The following ITGB6 variants were observed in gnomAD, a reference collection of about 807,000 sequenced individuals.
The protein encoded by ITGB6 is integrin beta-6.
Under a neutral mutation model 84.5 loss-of-function variants are expected in ITGB6, and 80 were observed. The ratio of observed to expected loss-of-function variants is 0.95; its 90% CI spans 0.79 to 1.14. The LOEUF is 1.14. Ranked by LOEUF, ITGB6 falls within the 50% of genes most tolerant of loss-of-function variation. The probability of loss-of-function intolerance (pLI) is 0.00; values close to 1 mark genes in which losing one functional copy is unlikely to be tolerated. For missense variants in ITGB6, 1,006 were observed against 968.0 expected (o/e 1.04, Z -0.52); for synonymous variants, 383 against 354.9 (o/e 1.08, Z -0.89).
intron 10 of ITGB6, among the ~76,000 whole-genome samples, chr2:160,134,227 C>T (rs1683606630): frequency 6.6e-6 from 1 of 152,156 alleles, no homozygotes; most frequent in South Asian, 2.1e-4. Context: ...CGGGATATCA[C>T]CACTGATCCC....
At chr2:160,114,617 A>G (rs1200313458) in intron 12 of ITGB6, among the ~76,000 whole-genome samples, 2 of 152,124 alleles carry the variant, frequency 1.3e-5, no homozygotes, top group African/African-American at 4.8e-5. Context: ...CATCTGAGGT[A>G]CCGGGTTCAT....
intron 12 of ITGB6, among the ~76,000 whole-genome samples, chr2:160,113,061 G>T (rs1386536926): frequency 6.6e-6 from 1 of 152,210 alleles, no homozygotes; most frequent in Non-Finnish European, 1.5e-5. Flanking sequence ...ACTTTTCAAT[G>T]ATGGTTACAA....
intron 12 of ITGB6, among the ~76,000 whole-genome samples, chr2:160,118,121 T>C (rs1682866790): frequency 6.6e-6 from 1 of 152,152 alleles, no homozygotes; most frequent in East Asian, 1.9e-4. Flanking sequence ...CTGAAACTAT[T>C]CCAATCAATA....
At chr2:160,166,440 C>T (rs887238618) in intron 7 of ITGB6, among the ~76,000 whole-genome samples, 2 of 152,050 alleles carry the variant, frequency 1.3e-5, no homozygotes, top group African/African-American at 2.4e-5. Context: ...TAATATGATT[C>T]GACAATGTCA....
At chr2:160,195,820 G>A (rs1221075559) in intron 3 of ITGB6, among the ~76,000 whole-genome samples, 1 of 152,236 alleles carries the variant, frequency 6.6e-6, no homozygotes, top group African/African-American at 2.4e-5. Flanking sequence ...TGGAGGATAA[G>A]TTAGGATATT....
chr2:160,164,232 T>C (rs1684921119), intron 7 of ITGB6, among the ~76,000 whole-genome samples: 1 of 152,228 alleles, frequency 6.6e-6, no homozygotes, highest in Admixed American at 6.5e-5. Flanking sequence ...TTCTTCTCTA[T>C]AGTCACAAAC....
Position 160,200,203 on chromosome 2 carries a change from C to T in ITGB6, c.-140G>A. The T allele has an allele frequency of 1.6e-6, 1 of 635,648 alleles. No homozygotes were observed. Among genetic ancestry groups the T allele is most frequent in the African/African-American group, 1.9e-5 (1 of 52,922 alleles). The allele number at this position is 635,648 out of a possible 1,614,324, so 39.4% of individuals were successfully genotyped here. On this transcript the variant is annotated 5_prime_UTR_variant, in exon 1 of 15. Coordinates refer to ENST00000283249, the MANE Select transcript of ITGB6 (RefSeq NM_000888.5). ...CTACTTACACTGCTTTGAAAAGAAA[C>T]TTGAGATATAAGTTAGAAAGTTTTC... is the stretch of plus-strand genomic sequence containing the variant.
intron 4 of ITGB6, among the ~76,000 whole-genome samples, chr2:160,186,336 A>C (rs1461271833): frequency 6.6e-6 from 1 of 152,166 alleles, no homozygotes; most frequent in East Asian, 1.9e-4. Context: ...AAAAGAAGAC[A>C]TTTATACGGC....
chr2:160,183,067 T>G (rs1160793783), intron 4 of ITGB6, among the ~76,000 whole-genome samples: 1 of 152,096 alleles, frequency 6.6e-6, no homozygotes, highest in Non-Finnish European at 1.5e-5. Flanking sequence ...GTCGACACTA[T>G]GAAGAAAATG....
At chr2:160,162,978 C>T (rs768561486) in intron 7 of ITGB6, among the ~76,000 whole-genome samples, 1 of 152,094 alleles carries the variant, frequency 6.6e-6, no homozygotes, top group Admixed American at 6.6e-5. Flanking sequence ...CATCATAAAC[C>T]TATAGTCTTG....
intron 12 of ITGB6, among the ~76,000 whole-genome samples, chr2:160,118,439 A>C (rs1400575345): frequency 2.0e-5 from 3 of 152,224 alleles, no homozygotes; most frequent in Non-Finnish European, 2.9e-5. Flanking sequence ...ATAGATGCAG[A>C]AAAGGCCTTT....
At chr2:160,131,923 G>T (rs995954035) in intron 10 of ITGB6, among the ~76,000 whole-genome samples, 8 of 152,060 alleles carry the variant, frequency 5.3e-5, no homozygotes, top group Non-Finnish European at 8.8e-5. Context: ...ATCAAGCAAA[G>T]CTCTGTTGCT....
chr2:160,127,508 T>C (rs1435437390), intron 10 of ITGB6, among the ~76,000 whole-genome samples: 8 of 152,198 alleles, frequency 5.3e-5, no homozygotes, highest in African/African-American at 1.7e-4. Context: ...CCAATGTGCA[T>C]CTTACATGTA....
chr2:160,178,471 A>G (rs543706591), intron 4 of ITGB6, among the ~76,000 whole-genome samples: 10 of 152,332 alleles, frequency 6.6e-5, no homozygotes, highest in Non-Finnish European at 1.3e-4. Context: ...TTTGTTGGTT[A>G]GAATTATCCG....
intron 12 of ITGB6, among the ~76,000 whole-genome samples, chr2:160,113,165 T>C (rs1025669091): frequency 8.5e-5 from 13 of 152,214 alleles, no homozygotes; most frequent in African/African-American, 3.1e-4. Context: ...TATGCTACAA[T>C]GGATCAGAAC....
intron 10 of ITGB6, among the ~76,000 whole-genome samples, chr2:160,127,377 C>T (rs982106340): frequency 5.9e-5 from 9 of 152,324 alleles, no homozygotes; most frequent in Non-Finnish European, 1.0e-4. Context: ...CTTATCTTAA[C>T]ACAGGTACTC....
rs1433412496 is a variant in ITGB6 at position 160,100,416 on chromosome 2, A to G, written c.*1320T>C. 1.3e-5 allele frequency: 2 copies of G among 152,170 alleles called. No individual in the cohort carries two copies. The highest frequency in any genetic ancestry group is 4.8e-5 in the African/African-American group (2 of 41,442). 9.4% of individuals were successfully genotyped at this position (152,170 alleles called of 1,614,324 possible). The stretch of plus-strand genomic sequence containing the variant: ...TGACAGTTATCACTTAACTAACACA[A>G]TCTTTCTATTATTTCACTGACAAAA... On this transcript the variant is annotated 3_prime_UTR_variant, in exon 15 of 15. Transcript: ENST00000283249.
In ITGB6 at chr2:160,137,442, A is replaced by G. The variant is rs1683786096; in HGVS notation, c.1652T>C (p.Leu551Pro). The change falls in exon 10 of 15, where the codon CTC becomes CCC. Residue 551 changes from leucine to proline, a missense_variant. Leu to Pro is a moderately conservative substitution (Grantham distance 98). Coordinates refer to ENST00000283249, the MANE Select transcript of ITGB6 (RefSeq NM_000888.5). ...ATTTCAACATAGCCTACCTCCGCAG[A>G]GCAGCCCTTTGTGTCTCACGCAGGA... ...NFSCVRHKGL[L>P]CGGNGDCDCG... 1.2e-6 allele frequency: 2 copies of G among 1,608,866 alleles called. No individual in the cohort carries two copies. The highest frequency in any genetic ancestry group is 1.3e-5 in the African/African-American group (1 of 74,858).
chr2:160,156,872 G>A (rs116734626), intron 7 of ITGB6, among the ~76,000 whole-genome samples: 2,938 of 152,210 alleles, frequency 0.019, 95 homozygotes, highest in African/African-American at 0.066. Flanking sequence ...GGCTATCTTC[G>A]ACTTGTGATG....
Sources: gnomAD v4.1 joint callset for allele counts (sites outside exome capture counted in the v4.1 genomes callset) on GRCh38, gnomAD v4.1.1 for gene constraint, MANE v1.5 for transcripts, NCBI Gene and HGNC (gene_info 2026-07-23, HGNC 2026-07-21) for gene names.